Variants in STAU2 observed in about 807,000 individuals in gnomAD.
The protein encoded by STAU2 is double-stranded RNA-binding protein Staufen homolog 2.
Under a neutral mutation model 65.9 loss-of-function variants are expected in STAU2, and 20 were observed. The observed-to-expected ratio is 0.30, with a 90% CI of 0.21 to 0.44. The LOEUF is 0.44. STAU2 is among the 20% of genes least tolerant of loss of function. The probability of loss-of-function intolerance (pLI) is 1.00; values close to 1 mark genes in which losing one functional copy is unlikely to be tolerated. For missense variants in STAU2, 558 were observed against 683.9 expected, an observed-to-expected ratio of 0.82 and a Z score of 2.05; for synonymous variants, 232 against 233.9, an observed-to-expected ratio of 0.99 and a Z score of 0.07.
chr8:73,556,806 G>A lies in STAU2; in HGVS notation c.1223-4487C>T, dbSNP rs1000788683. ...AAGCAGGTCAGTGGTTGTCTGGGGA[G>A]TGGAGCTGGTGGGAGTGACAGATTG... On this transcript the variant is annotated intron_variant, in intron 12 of 14. Coordinates refer to ENST00000524300, the MANE Select transcript of STAU2 (RefSeq NM_001164380.2). Among the ~76,000 whole-genome samples the A allele has an allele frequency of 2.6e-5, 4 of 152,304 alleles. No individual in the cohort carries two copies. The East Asian group carries it at 7.7e-4, about 29-fold the overall frequency.
chr8:73,660,587 T>G (rs192021018), intron 6 of STAU2, among the ~76,000 whole-genome samples: 6 of 152,302 alleles, frequency 3.9e-5, no homozygotes, highest in Non-Finnish European at 7.4e-5. Context: ...CAGATATTCC[T>G]TGGGAATGAA....
At chr8:73,707,136 G>A (rs935061860) in intron 4 of STAU2, among the ~76,000 whole-genome samples, 1 of 152,176 alleles carries the variant, frequency 6.6e-6, no homozygotes, top group East Asian at 1.9e-4. Context: ...AGGACACAAT[G>A]GAGGAGCTGG....
intron 13 of STAU2, among the ~76,000 whole-genome samples, chr8:73,452,384 A>C (rs774181314): frequency 9.2e-5 from 14 of 152,204 alleles, no homozygotes; most frequent in Non-Finnish European, 1.6e-4. Flanking sequence ...CAGCCCACCC[A>C]GTGCTGGAGA....
chr8:73,568,950 C>T (rs1246561525), intron 12 of STAU2, among the ~76,000 whole-genome samples: 2 of 152,094 alleles, frequency 1.3e-5, no homozygotes, highest in Admixed American at 6.5e-5. Context: ...AACTGAGGTA[C>T]CAGGTTCATC....
intron 12 of STAU2, among the ~76,000 whole-genome samples, chr8:73,574,907 AAAAT>A (rs929429168): frequency 1.9e-4 from 29 of 151,954 alleles, no homozygotes; most frequent in African/African-American, 4.6e-4. Flanking sequence ...AAAGTATAAT[AAAAT>A]AAATAAATAA....
At chr8:73,671,377 C>G (rs1817657763) in intron 6 of STAU2, among the ~76,000 whole-genome samples, 1 of 150,170 alleles carries the variant, frequency 6.7e-6, no homozygotes, top group African/African-American at 2.5e-5. Context: ...GAGACTTCAT[C>G]TAAAAAACAA....
intron 12 of STAU2, among the ~76,000 whole-genome samples, chr8:73,575,009 A>G (rs1193648036): frequency 1.3e-5 from 2 of 151,604 alleles, no homozygotes; most frequent in Admixed American, 6.6e-5. Flanking sequence ...ATGCTATAAA[A>G]GAAAAGACTA....
intron 12 of STAU2, among the ~76,000 whole-genome samples, chr8:73,554,189 A>G (rs73690328): frequency 0.011 from 1,648 of 152,316 alleles, 27 homozygotes; most frequent in African/African-American, 0.037. Flanking sequence ...ACTGAAGCCA[A>G]TTCTTCAGGC....
chr8:73,679,303 A>G (rs759013040), intron 5 of STAU2, among the ~76,000 whole-genome samples: 4 of 152,212 alleles, frequency 2.6e-5, no homozygotes, highest in Non-Finnish European at 4.4e-5. Context: ...GCTCCCACTC[A>G]GGACAAAACA....
intron 6 of STAU2, among the ~76,000 whole-genome samples, chr8:73,671,813 A>G (rs1361106428): frequency 6.6e-6 from 1 of 152,172 alleles, no homozygotes; most frequent in Non-Finnish European, 1.5e-5. Context: ...ACTTAAGGTC[A>G]GAAGTTCAAG....
chr8:73,467,259 G>A (rs1463183172), intron 13 of STAU2, among the ~76,000 whole-genome samples: 2 of 152,178 alleles, frequency 1.3e-5, no homozygotes, highest in African/African-American at 2.4e-5. Flanking sequence ...TCGGCCGGGC[G>A]CAGTGGCTCA....
intron 6 of STAU2, among the ~76,000 whole-genome samples, chr8:73,664,179 G>C (rs1456062676): frequency 1.3e-5 from 2 of 152,076 alleles, no homozygotes; most frequent in African/African-American, 4.8e-5. Flanking sequence ...AGTCTCCCAA[G>C]TAGCTGGGAC....
intron 6 of STAU2, among the ~76,000 whole-genome samples, chr8:73,642,480 G>A (rs1160559179): frequency 6.6e-6 from 1 of 151,832 alleles, no homozygotes; most frequent in African/African-American, 2.4e-5. Flanking sequence ...CCAAGATCGC[G>A]CCACTGCACT....
intron 6 of STAU2, among the ~76,000 whole-genome samples, chr8:73,663,552 G>T (rs1816998352): frequency 6.6e-6 from 1 of 151,374 alleles, no homozygotes; most frequent in Non-Finnish European, 1.5e-5. Flanking sequence ...AATTGCTTTG[G>T]CTACTGCAAA....
rs932542914 is a variant in STAU2 at position 73,492,895 on chromosome 8, T to A, written c.1530+59117A>T. Among the ~76,000 whole-genome samples the A allele has an allele frequency of 6.6e-5, 10 of 151,884 alleles. 1 individual carries two copies. Among genetic ancestry groups the A allele is most frequent in the African/African-American group, 1.9e-4 (8 of 41,412 alleles). On this transcript the variant is annotated intron_variant, in intron 13 of 14. Coordinates refer to ENST00000524300, the MANE Select transcript of STAU2 (RefSeq NM_001164380.2). ...AAGTTGGTGGTTAAATAAAGGTATA[T>A]ACATACACTGGCATACATGCAGCTG...
intron 12 of STAU2, among the ~76,000 whole-genome samples, chr8:73,576,342 G>A (rs1171599752): frequency 6.6e-6 from 1 of 152,092 alleles, no homozygotes; most frequent in East Asian, 1.9e-4. Flanking sequence ...GCAATCTTAA[G>A]TGGGGGGCGG....
At position 73,737,152 on chromosome 8, in the gene STAU2, C is replaced by T. The variant is rs139751740; in HGVS notation, c.-18+1132G>A. On this transcript the variant is annotated intron_variant, in intron 3 of 14. Coordinates refer to ENST00000524300, the MANE Select transcript of STAU2 (RefSeq NM_001164380.2). ...AAAGTGCTGGGATTACAGGCGTGAG[C>T]GACCACGCCTGGCCAAGATTACTTT... 5.5e-4 allele frequency among the ~76,000 whole-genome samples: 84 copies of T among 151,648 alleles called. 1 individual carries two copies. Among genetic ancestry groups the T allele is most frequent in the African/African-American group, 1.9e-3 (77 of 41,340 alleles).
chr8:73,481,198 T>C (rs371161605), intron 13 of STAU2, among the ~76,000 whole-genome samples: 3 of 152,092 alleles, frequency 2.0e-5, no homozygotes, highest in Non-Finnish European at 4.4e-5. Flanking sequence ...GTATTAATCA[T>C]TCCTTTACTT....
At chr8:73,511,571 CATG>C (rs2128924198) in intron 13 of STAU2, 1 of 152,972 alleles carries the variant, frequency 6.5e-6, no homozygotes, top group Admixed American at 6.5e-5. Flanking sequence ...GAGAACTCTT[CATG>C]ATGACCAGAT....
Sources: allele counts gnomAD v4.1 joint callset (sites outside exome capture counted in the v4.1 genomes callset), GRCh38; gene constraint gnomAD v4.1.1; transcripts MANE v1.5; gene names NCBI Gene and HGNC (gene_info 2026-07-23, HGNC 2026-07-21).